HECW2: variants seen among roughly 807,000 people sequenced by gnomAD.
The protein encoded by HECW2 is E3 ubiquitin-protein ligase HECW2.
In HECW2, 61 loss-of-function variants were observed where a neutral mutation model predicts 175.2. The observed-to-expected ratio is 0.35, with a 90% CI of 0.28 to 0.43. The LOEUF is 0.43. Among genes scored for constraint, HECW2 ranks in the 20% least tolerant of loss-of-function variants. HECW2 has a pLI of 1.00. For missense variants in HECW2, 1,524 were observed against 2,000.5 expected, an observed-to-expected ratio of 0.76 and a Z score of 4.54; for synonymous variants, 671 against 731.0, an observed-to-expected ratio of 0.92 and a Z score of 1.32.
At position 196,433,413 on chromosome 2, in the gene HECW2, G is replaced by GA. The variant is rs1695777145; in HGVS notation, c.10dup (p.Ser4PhefsTer53). On this transcript the variant is annotated frameshift_variant, in exon 2 of 29. Transcript: ENST00000644978. LOFTEE classifies it high-confidence loss of function. ...CACAAAAAGCAGGTGCTCCCGGGCT[G>GA]AACTAGCCATCCCGTCTGCTTCTCT... 1.9e-6 allele frequency: 3 copies of GA among 1,613,144 alleles called. No individual in the cohort carries two copies. Among genetic ancestry groups the GA allele is most frequent in the Non-Finnish European group, 2.5e-6 (3 of 1,179,420 alleles).
intron 1 of HECW2, among the ~76,000 whole-genome samples, chr2:196,449,058 G>C (rs983897907): frequency 2.0e-5 from 3 of 152,172 alleles, no homozygotes. Flanking sequence ...TGGGGTGAGT[G>C]TCCGTGGCAC....
chr2:196,228,112 G>T lies in HECW2; in HGVS notation c.3907C>A (p.His1303Asn). ...GGAAAAAATACTTACCATTCATGGT[G>T]ATTGTCTACAAAAGCAGACATAGGA... The part of the protein sequence containing the change: ...ISPMSAFVDN[H>N]HEWFRFSGRI... Residue 1303 changes from histidine (H) to asparagine (N), a missense_variant, in exon 22 of 29, where the codon CAC (histidine) becomes AAC (asparagine). Around this residue, in one of 11 missense-constraint regions of HECW2, gnomAD observed 16 missense variants for 23.9 expected, o/e 0.67. Coordinates refer to ENST00000644978, the MANE Select transcript of HECW2 (RefSeq NM_001348768.2). The T allele has an allele frequency of 1.3e-6, 2 of 1,580,412 alleles. No homozygotes were observed. The highest frequency in any genetic ancestry group is 1.7e-6 in the Non-Finnish European group (2 of 1,166,702).
At chr2:196,238,288 C>T (rs898633455) in intron 21 of HECW2, among the ~76,000 whole-genome samples, 1 of 151,976 alleles carries the variant, frequency 6.6e-6, no homozygotes, top group African/African-American at 2.4e-5. Flanking sequence ...TTTTATAGTT[C>T]AATGGAAAAT....
intron 1 of HECW2, among the ~76,000 whole-genome samples, chr2:196,445,558 T>C (rs1696159073): frequency 6.6e-6 from 1 of 152,170 alleles, no homozygotes; most frequent in Non-Finnish European, 1.5e-5. Flanking sequence ...CTAAAAAGTA[T>C]AAAATAAGGC....
At chr2:196,386,895 G>A (rs930398992) in intron 2 of HECW2, among the ~76,000 whole-genome samples, 1 of 152,106 alleles carries the variant, frequency 6.6e-6, no homozygotes, top group Non-Finnish European at 1.5e-5. Flanking sequence ...GATTGTAGTC[G>A]TTTGCTAGAA....
chr2:196,202,275 A>G (rs1686886768), intron 28 of HECW2, among the ~76,000 whole-genome samples: 1 of 152,210 alleles, frequency 6.6e-6, no homozygotes, highest in African/African-American at 2.4e-5. Flanking sequence ...TTAACAAGCT[A>G]TTTCTACAAA....
At chr2:196,517,614 G>T (rs1230131550) in intron 1 of HECW2, among the ~76,000 whole-genome samples, 2 of 152,066 alleles carry the variant, frequency 1.3e-5, no homozygotes, top group Non-Finnish European at 2.9e-5. Context: ...ACATTGTTTT[G>T]TTTTCACTGT....
At chr2:196,206,901 T>G (rs556871231) in intron 28 of HECW2, among the ~76,000 whole-genome samples, 3 of 152,236 alleles carry the variant, frequency 2.0e-5, no homozygotes, top group African/African-American at 7.2e-5. Context: ...ATACTATGAG[T>G]TACAAGTTTG....
At chr2:196,415,118 G>A (rs1308527897) in intron 2 of HECW2, among the ~76,000 whole-genome samples, 2 of 152,216 alleles carry the variant, frequency 1.3e-5, no homozygotes, top group South Asian at 2.1e-4. Context: ...GCTACCAGGT[G>A]AGAGAGGAGT....
At chr2:196,311,607 G>A (rs1425957258) in intron 10 of HECW2, among the ~76,000 whole-genome samples, 1 of 152,132 alleles carries the variant, frequency 6.6e-6, no homozygotes, top group Admixed American at 6.5e-5. Flanking sequence ...GACCAGCCTG[G>A]CCAACTAGGT....
chr2:196,360,173 G>A (rs1056143846), intron 2 of HECW2, among the ~76,000 whole-genome samples: 2 of 152,140 alleles, frequency 1.3e-5, no homozygotes, highest in East Asian at 1.9e-4. Context: ...ACTGCCATTC[G>A]ACCCAGCAAT....
chr2:196,467,953 T>C (rs1215494325), intron 1 of HECW2, among the ~76,000 whole-genome samples: 2 of 152,226 alleles, frequency 1.3e-5, no homozygotes, highest in Non-Finnish European at 2.9e-5. Flanking sequence ...CAGTGTCTAA[T>C]AATCATACTG....
At chr2:196,560,460 C>G (rs1314895411) in intron 1 of HECW2, among the ~76,000 whole-genome samples, 1 of 152,080 alleles carries the variant, frequency 6.6e-6, no homozygotes. Context: ...ACCACTGTTT[C>G]TTATCTGAGA....
intron 2 of HECW2, among the ~76,000 whole-genome samples, chr2:196,385,809 T>G (rs1490092581): frequency 6.6e-6 from 1 of 152,232 alleles, no homozygotes; most frequent in African/African-American, 2.4e-5. Flanking sequence ...GGGTTTTGTT[T>G]TTTTTCCTAA....
chr2:196,252,451 A>G (rs538852470), intron 19 of HECW2, among the ~76,000 whole-genome samples: 22 of 152,174 alleles, frequency 1.4e-4, no homozygotes, highest in African/African-American at 4.3e-4. Flanking sequence ...TTTGGATCAT[A>G]AGTGCAGATC....
intron 1 of HECW2, among the ~76,000 whole-genome samples, chr2:196,513,692 A>G (rs1041372924): frequency 1.3e-5 from 2 of 152,236 alleles, no homozygotes; most frequent in African/African-American, 4.8e-5. Flanking sequence ...GTAAGAAGCC[A>G]CAAAAGTAAG....
At chr2:196,327,420 T>C (rs1472991263) in intron 5 of HECW2, among the ~76,000 whole-genome samples, 1 of 152,206 alleles carries the variant, frequency 6.6e-6, no homozygotes, top group Admixed American at 6.5e-5. Context: ...CCACACCATA[T>C]AATAGGCCAA....
At chr2:196,578,894 C>G (rs1363349310) in intron 1 of HECW2, among the ~76,000 whole-genome samples, 2 of 152,090 alleles carry the variant, frequency 1.3e-5, no homozygotes, top group African/African-American at 4.8e-5. Context: ...AACATTAACT[C>G]AAAGCCACAC....
intron 1 of HECW2, among the ~76,000 whole-genome samples, chr2:196,557,325 G>A (rs1340140509): frequency 1.3e-5 from 2 of 151,888 alleles, no homozygotes; most frequent in African/African-American, 4.8e-5. Context: ...AACCTGGGGG[G>A]CGGAGGCTGC....
Sources: allele counts gnomAD v4.1 joint callset (sites outside exome capture counted in the v4.1 genomes callset), GRCh38; gene constraint gnomAD v4.1.1; regional missense constraint gnomAD v4.1.1; transcripts MANE v1.5; gene names NCBI Gene and HGNC (gene_info 2026-07-23, HGNC 2026-07-21).